The following GLIS3 variants were observed in gnomAD, a reference collection of about 807,000 sequenced individuals.
The protein encoded by GLIS3 is zinc finger protein GLIS3.
Under a neutral mutation model 78.6 loss-of-function variants are expected in GLIS3, and 53 were observed. The observed-to-expected ratio is 0.67, with a 90% CI of 0.54 to 0.85. GLIS3 has a LOEUF of 0.85. Among genes scored for constraint, GLIS3 ranks in the 40% least tolerant of loss-of-function variants. The pLI is 0.00. For synonymous variants in GLIS3, 684 were observed against 509.9 expected (o/e 1.34, Z -4.60); for missense variants, 1,703 against 1,231.1 (o/e 1.38, Z -5.74).
chr9:4,122,166 A>T (rs967500164), intron 3 of GLIS3, among the ~76,000 whole-genome samples: 10 of 152,246 alleles, frequency 6.6e-5, no homozygotes, highest in African/African-American at 2.4e-4. Flanking sequence ...GTATGGGGCC[A>T]TAAGAGCATG....
chr9:4,214,312 C>G (rs1415040031), intron 2 of GLIS3, among the ~76,000 whole-genome samples: 1 of 152,146 alleles, frequency 6.6e-6, no homozygotes, highest in African/African-American at 2.4e-5. Context: ...ATGTGTCAAA[C>G]GGTTGGCCCC....
chr9:3,853,846 A>C (rs1392854328), intron 9 of GLIS3, among the ~76,000 whole-genome samples: 1 of 152,224 alleles, frequency 6.6e-6, no homozygotes, highest in East Asian at 1.9e-4. Flanking sequence ...TCAATTTTCA[A>C]ATTTTTAAAA....
In GLIS3 at chr9:4,106,234, T is replaced by G. The variant is rs144888881; in HGVS notation, c.1710+11534A>C. ...AGCCACTGGAAAGCACTCCATGTGT[T>G]TCAGAGAACAGGTAGAGTTTTCATT... is the stretch of plus-strand genomic sequence containing the variant. On this transcript the variant is annotated intron_variant, in intron 4 of 10. Transcript: ENST00000381971. Among the ~76,000 whole-genome samples, 10 of 152,306 alleles carry G rather than the reference T, an allele frequency of 6.6e-5. 1 individual carries two copies. Among genetic ancestry groups the G allele is most frequent in the African/African-American group, 2.2e-4 (9 of 41,580 alleles).
chr9:4,264,778 C>T (rs1431679499), intron 2 of GLIS3, among the ~76,000 whole-genome samples: 1 of 152,164 alleles, frequency 6.6e-6, no homozygotes, highest in Non-Finnish European at 1.5e-5. Context: ...GGTATTTACT[C>T]ACTGATTGCT....
the GLIS3 span, among the ~76,000 whole-genome samples, chr9:4,425,053 G>C: frequency 2.0e-5 from 3 of 152,150 alleles, no homozygotes; most frequent in South Asian, 2.1e-4. Context: ...TGAACACAAT[G>C]ACTGGAAGCT....
the GLIS3 span, among the ~76,000 whole-genome samples, chr9:4,479,122 C>T: frequency 3.6e-3 from 548 of 152,192 alleles, 4 homozygotes; most frequent in Non-Finnish European, 6.1e-3. Context: ...GACAGGATTT[C>T]ACCATTTTGT....
At chr9:4,380,625 G>T in the GLIS3 span, among the ~76,000 whole-genome samples, 6 of 152,338 alleles carry the variant, frequency 3.9e-5, no homozygotes, top group South Asian at 6.2e-4. Flanking sequence ...AGTTGGCCAA[G>T]AAATCTGGAT....
intron 9 of GLIS3, among the ~76,000 whole-genome samples, chr9:3,830,046 T>C (rs886666769): frequency 6.6e-6 from 1 of 152,230 alleles, no homozygotes; most frequent in African/African-American, 2.4e-5. Flanking sequence ...ACTATTTCTA[T>C]TGTTGATCTT....
intron 4 of GLIS3, among the ~76,000 whole-genome samples, chr9:4,094,842 C>T (rs536259984): frequency 6.6e-6 from 1 of 152,226 alleles, no homozygotes; most frequent in South Asian, 2.1e-4. Context: ...TTTAAAATCA[C>T]AATGCAAAGA....
intron 4 of GLIS3, among the ~76,000 whole-genome samples, chr9:4,072,748 T>TTG (rs1554688796): frequency 9.6e-4 from 146 of 152,012 alleles, no homozygotes; most frequent in African/African-American, 3.2e-3. Flanking sequence ...ACTGTTTTTT[T>TTG]TTGTTGTTGT....
chr9:4,304,775 G>C (rs1313570692), upstream of GLIS3, among the ~76,000 whole-genome samples: 1 of 152,128 alleles, frequency 6.6e-6, no homozygotes, highest in African/African-American at 2.4e-5. Flanking sequence ...CTCACCTCAA[G>C]TCTTAAATAT....
At chr9:4,418,683 A>G in the GLIS3 span, among the ~76,000 whole-genome samples, 1 of 152,130 alleles carries the variant, frequency 6.6e-6, no homozygotes, top group Non-Finnish European at 1.5e-5. Flanking sequence ...TGGATGACAG[A>G]GCCAGAGTCC....
chr9:4,450,659 A>C, the GLIS3 span, among the ~76,000 whole-genome samples: 1 of 152,178 alleles, frequency 6.6e-6, no homozygotes. Flanking sequence ...CTTGGCAGAA[A>C]CTCTACAAGC....
intron 4 of GLIS3, among the ~76,000 whole-genome samples, chr9:4,089,153 A>G (rs1829288368): frequency 6.6e-6 from 1 of 152,162 alleles, no homozygotes; most frequent in South Asian, 2.1e-4. Flanking sequence ...TAATAATCCA[A>G]ATATTCATGT....
intron 4 of GLIS3, among the ~76,000 whole-genome samples, chr9:4,072,966 A>G (rs963655740): frequency 2.6e-5 from 4 of 152,120 alleles, no homozygotes; most frequent in African/African-American, 9.7e-5. Flanking sequence ...TTAACTATAC[A>G]GCATGATGTT....
At chr9:4,467,753 G>A in the GLIS3 span, among the ~76,000 whole-genome samples, 8 of 152,220 alleles carry the variant, frequency 5.3e-5, no homozygotes, top group East Asian at 7.7e-4. Context: ...ACAGCTCCTC[G>A]CCATCAATGG....
intron 4 of GLIS3, among the ~76,000 whole-genome samples, chr9:4,022,592 T>C (rs151058295): frequency 2.0e-5 from 3 of 152,232 alleles, no homozygotes; most frequent in African/African-American, 2.4e-5. Context: ...CCCAGAGAAA[T>C]GCAAACATCT....
intron 2 of GLIS3, among the ~76,000 whole-genome samples, chr9:4,232,404 AAAG>A (rs1822345551): frequency 1.3e-5 from 2 of 150,094 alleles, no homozygotes; most frequent in Admixed American, 6.6e-5. Context: ...AAAAAAAAGA[AAAG>A]AAAAAAAAAG....
intron 2 of GLIS3, among the ~76,000 whole-genome samples, chr9:4,213,940 A>C (rs568948237): frequency 2.0e-5 from 3 of 146,654 alleles, no homozygotes; most frequent in South Asian, 4.2e-4. Flanking sequence ...AAAAAAAAAA[A>C]AACAACTAAA....
Sources: gnomAD v4.1 joint callset for allele counts (sites outside exome capture counted in the v4.1 genomes callset) on GRCh38, gnomAD v4.1.1 for gene constraint, MANE v1.5 for transcripts, NCBI Gene and HGNC (gene_info 2026-07-23, HGNC 2026-07-21) for gene names.